SNX7: variants seen among roughly 807,000 people sequenced by gnomAD.
The protein encoded by SNX7 is sorting nexin 7.
A neutral mutation model predicts 48.4 loss-of-function variants in SNX7; 35 were observed. The ratio of observed to expected loss-of-function variants is 0.72; its 90% CI spans 0.55 to 0.96. SNX7 has a LOEUF of 0.96. SNX7 is among the 40% of genes least tolerant of loss of function. The probability of loss-of-function intolerance (pLI) is 0.00; values close to 1 mark genes in which losing one functional copy is unlikely to be tolerated. For synonymous variants in SNX7, 190 were observed against 190.2 expected (o/e 1.00, Z 0.01); for missense variants, 553 against 548.9 (o/e 1.01, Z -0.07).
At chr1:98,698,638 T>G in intron 5 of SNX7, 68 bp from the exon 6 acceptor site, 1 of 1,406,754 alleles carries the variant, frequency 7.1e-7, no homozygotes, top group South Asian at 1.3e-5. Flanking sequence ...TTTCTTACTC[T>G]CTAGGATACA....
chr1:98,666,459 C>T (rs1649541442), intron 1 of SNX7, among the ~76,000 whole-genome samples: 1 of 152,150 alleles, frequency 6.6e-6, no homozygotes, highest in Non-Finnish European at 1.5e-5. Context: ...AATTCCTCTC[C>T]TCCTGCCTTT....
chr1:98,681,019 A>G (rs1240305397), intron 1 of SNX7, among the ~76,000 whole-genome samples: 2 of 152,212 alleles, frequency 1.3e-5, no homozygotes, highest in Admixed American at 6.5e-5. Flanking sequence ...GCTGATAAAG[A>G]CATACCTGAG....
intron 1 of SNX7, among the ~76,000 whole-genome samples, chr1:98,672,212 G>A (rs183788577): frequency 2.6e-5 from 4 of 152,156 alleles, no homozygotes; most frequent in African/African-American, 9.6e-5. Context: ...TGGCTAAACT[G>A]TGATTCTGCT....
chr1:98,717,805 G>T (rs941928945), intron 7 of SNX7, among the ~76,000 whole-genome samples: 16 of 152,062 alleles, frequency 1.1e-4, no homozygotes, highest in Non-Finnish European at 1.9e-4. Flanking sequence ...TAGGGAGAGG[G>T]TAAGAGGCAT....
chr1:98,679,453 A>G (rs1161091274), intron 1 of SNX7, among the ~76,000 whole-genome samples: 4 of 152,052 alleles, frequency 2.6e-5, no homozygotes, highest in Non-Finnish European at 4.4e-5. Context: ...AAAAACAATC[A>G]TGCCCTCCCA....
At chr1:98,680,990 G>A (rs1650456474) in intron 1 of SNX7, among the ~76,000 whole-genome samples, 3 of 152,122 alleles carry the variant, frequency 2.0e-5, no homozygotes, top group Admixed American at 2.0e-4. Context: ...AATTTACTGT[G>A]TTAGTCCATT....
intron 2 of SNX7, among the ~76,000 whole-genome samples, chr1:98,689,379 A>T (rs1371752310): frequency 6.6e-6 from 1 of 152,166 alleles, no homozygotes; most frequent in Non-Finnish European, 1.5e-5. Context: ...AAGAAATAAC[A>T]TATTCTTCTC....
At chr1:98,727,006 C>T (rs1010070961) in intron 7 of SNX7, among the ~76,000 whole-genome samples, 7 of 152,100 alleles carry the variant, frequency 4.6e-5, no homozygotes, top group East Asian at 1.9e-4. Context: ...ATCAGAAGAT[C>T]GAGACCATCC....
chr1:98,725,778 T>C lies in SNX7; in HGVS notation c.1126-12459T>C, dbSNP rs578226045. Among the ~76,000 whole-genome samples the C allele has an allele frequency of 2.3e-3, 353 of 152,344 alleles. 1 individual carries two copies. The highest frequency in any genetic ancestry group is 3.6e-3 in the Non-Finnish European group (246 of 68,032). On this transcript the variant is annotated intron_variant, in intron 7 of 8. Coordinates refer to ENST00000306121, the MANE Select transcript of SNX7 (RefSeq NM_015976.5). Reference sequence around the variant, plus strand: ...CTTGGATTTGAGAGGAATAATTTATTGAGGTAGCGTGGCAACCTAAGTTTC... The same window carrying C: ...CTTGGATTTGAGAGGAATAATTTATCGAGGTAGCGTGGCAACCTAAGTTTC...
chr1:98,697,268 A>G (rs1651507384), intron 5 of SNX7, among the ~76,000 whole-genome samples: 1 of 152,112 alleles, frequency 6.6e-6, no homozygotes, highest in African/African-American at 2.4e-5. Context: ...ATTACATAAC[A>G]ACTAGTATCT....
intron 7 of SNX7, among the ~76,000 whole-genome samples, chr1:98,713,754 G>A (rs1247226096): frequency 6.6e-6 from 1 of 152,220 alleles, no homozygotes; most frequent in Non-Finnish European, 1.5e-5. Context: ...AGAGACAGGA[G>A]AATGGTCAGT....
chr1:98,690,375 ATG>A (rs2100951142), intron 2 of SNX7, among the ~76,000 whole-genome samples: 1 of 152,118 alleles, frequency 6.6e-6, no homozygotes, highest in Non-Finnish European at 1.5e-5. Flanking sequence ...TTCTTGTCAT[ATG>A]TGTTGGCATG....
chr1:98,725,707 T>C (rs184794070), intron 7 of SNX7, among the ~76,000 whole-genome samples: 2 of 152,288 alleles, frequency 1.3e-5, no homozygotes, highest in Admixed American at 1.3e-4. Flanking sequence ...TGCATATTTT[T>C]GTCTTAGGGT....
chr1:98,717,828 C>G (rs1176109214), intron 7 of SNX7, among the ~76,000 whole-genome samples: 1 of 151,968 alleles, frequency 6.6e-6, no homozygotes, highest in Non-Finnish European at 1.5e-5. Flanking sequence ...TCAAAATACA[C>G]AAAATTACAA....
intron 7 of SNX7, among the ~76,000 whole-genome samples, chr1:98,712,613 C>T (rs1652374052): frequency 3.3e-5 from 5 of 152,140 alleles, no homozygotes; most frequent in Non-Finnish European, 5.9e-5. Flanking sequence ...AGAGCACAGG[C>T]AGAGTAGATT....
intron 8 of SNX7, among the ~76,000 whole-genome samples, chr1:98,740,390 C>T (rs1380313781): frequency 6.6e-6 from 1 of 151,760 alleles, no homozygotes; most frequent in African/African-American, 2.4e-5. Flanking sequence ...ACAATAAAAC[C>T]AAAATTTTAA....
chr1:98,707,004 A>G (rs566640988), intron 7 of SNX7, among the ~76,000 whole-genome samples: 25 of 152,288 alleles, frequency 1.6e-4, no homozygotes, highest in African/African-American at 5.3e-4. Context: ...TCAGCTGAAG[A>G]TATGTATTTG....
At chr1:98,727,592 G>A (rs1653254360) in intron 7 of SNX7, among the ~76,000 whole-genome samples, 1 of 152,016 alleles carries the variant, frequency 6.6e-6, no homozygotes. Context: ...AGCTAAAGGA[G>A]CATATTCTAA....
chr1:98,732,341 G>A (rs767762556), intron 7 of SNX7, among the ~76,000 whole-genome samples: 1 of 152,048 alleles, frequency 6.6e-6, no homozygotes, highest in African/African-American at 2.4e-5. Context: ...GATTTTGAAG[G>A]CTTCAGTATT....
Sources: allele counts gnomAD v4.1 joint callset (sites outside exome capture counted in the v4.1 genomes callset), GRCh38; gene constraint gnomAD v4.1.1; transcripts MANE v1.5; gene names NCBI Gene and HGNC (gene_info 2026-07-23, HGNC 2026-07-21).